SLC8A3: variants seen among roughly 807,000 people sequenced by gnomAD.
SLC8A3 encodes solute carrier family 8 member A3.
Under a neutral mutation model 65.4 loss-of-function variants are expected in SLC8A3, and 37 were observed. That is an observed-to-expected ratio of 0.57 (90% CI 0.44 to 0.74). SLC8A3 has a LOEUF of 0.74. Among genes scored for constraint, SLC8A3 ranks in the 30% least tolerant of loss-of-function variants. SLC8A3 has a pLI of 0.00. For missense variants in SLC8A3, 1,112 were observed against 1,172.1 expected, an observed-to-expected ratio of 0.95 and a Z score of 0.75; for synonymous variants, 461 against 444.5, an observed-to-expected ratio of 1.04 and a Z score of -0.47.
intron 2 of SLC8A3, among the ~76,000 whole-genome samples, 197 bp from the exon 3 acceptor site, chr14:70,061,136 G>A (rs868709685): frequency 1.3e-5 from 2 of 152,134 alleles, no homozygotes; most frequent in African/African-American, 4.8e-5. Flanking sequence ...TGTCTTCTTG[G>A]TCATAGTTGT....
chr14:70,085,836 T>C (rs1195518055), intron 2 of SLC8A3, among the ~76,000 whole-genome samples: 2 of 152,188 alleles, frequency 1.3e-5, no homozygotes, highest in East Asian at 3.8e-4. Flanking sequence ...TTTATATGTA[T>C]TAACTCATCA....
intron 2 of SLC8A3, among the ~76,000 whole-genome samples, chr14:70,138,254 CT>C (rs1895345811): frequency 6.6e-6 from 1 of 152,122 alleles, no homozygotes; most frequent in African/African-American, 2.4e-5. Flanking sequence ...GAGAAAGGGA[CT>C]TTCGATAACT....
At chr14:70,085,482 C>A (rs1189666417) in intron 2 of SLC8A3, among the ~76,000 whole-genome samples, 1 of 152,124 alleles carries the variant, frequency 6.6e-6, no homozygotes, top group East Asian at 1.9e-4. Context: ...TGCCCCAAGG[C>A]CCTTCTCTTA....
intron 3 of SLC8A3, chr14:70,059,362 G>C (rs143633333): frequency 2.0e-5 from 3 of 152,266 alleles, no homozygotes; most frequent in Admixed American, 6.5e-5. Context: ...TGAACTAATT[G>C]CAGTATGATC....
chr14:70,144,448 G>A (rs535985525), intron 2 of SLC8A3, among the ~76,000 whole-genome samples: 51 of 150,926 alleles, frequency 3.4e-4, no homozygotes, highest in Middle Eastern at 6.9e-3. Flanking sequence ...TGGCCAACAG[G>A]GCAAAACCCC....
At chr14:70,093,060 G>C (rs766738594) in intron 2 of SLC8A3, among the ~76,000 whole-genome samples, 1 of 152,176 alleles carries the variant, frequency 6.6e-6, no homozygotes, top group Non-Finnish European at 1.5e-5. Context: ...AATTGAGGTG[G>C]GAGCAAGCAC....
At chr14:70,053,263 A>G (rs1314406287) in intron 3 of SLC8A3, among the ~76,000 whole-genome samples, 2 of 152,200 alleles carry the variant, frequency 1.3e-5, no homozygotes, top group Admixed American at 1.3e-4. Context: ...GTCTTTCTGC[A>G]TATGTCCAAG....
chr14:70,119,370 A>G (rs1018117738), intron 2 of SLC8A3, among the ~76,000 whole-genome samples: 2 of 152,190 alleles, frequency 1.3e-5, no homozygotes, highest in Non-Finnish European at 2.9e-5. Context: ...TGAGGCTTCC[A>G]TTTATGTGGT....
chr14:70,068,725 A>G (rs1303728587), intron 2 of SLC8A3, among the ~76,000 whole-genome samples: 3 of 151,724 alleles, frequency 2.0e-5, no homozygotes, highest in African/African-American at 7.3e-5. Flanking sequence ...CATAGATATT[A>G]TTATTTTATT....
chr14:70,114,124 T>C (rs886992937), intron 2 of SLC8A3, among the ~76,000 whole-genome samples: 2 of 152,180 alleles, frequency 1.3e-5, no homozygotes, highest in African/African-American at 4.8e-5. Flanking sequence ...GCCTGCAAGG[T>C]TGTGTACAGA....
intron 2 of SLC8A3, 93 bp downstream of exon 2, chr14:70,166,546 A>G: frequency 1.3e-6 from 1 of 769,526 alleles, no homozygotes; most frequent in Non-Finnish European, 2.2e-6. Flanking sequence ...TAACACAAAC[A>G]CAAGGAAATG....
intron 2 of SLC8A3, among the ~76,000 whole-genome samples, chr14:70,127,606 T>G (rs548891645): frequency 5.9e-5 from 9 of 152,224 alleles, no homozygotes; most frequent in Non-Finnish European, 7.3e-5. Flanking sequence ...CTTTGCTTAG[T>G]CCTGCCTCGG....
chr14:70,179,184 G>T (rs1882506055), intron 1 of SLC8A3, among the ~76,000 whole-genome samples: 1 of 151,984 alleles, frequency 6.6e-6, no homozygotes, highest in South Asian at 2.1e-4. Context: ...GGCCTTAGAT[G>T]CCCCCTCTCT....
chr14:70,143,569 A>G (rs1354127564), intron 2 of SLC8A3, among the ~76,000 whole-genome samples: 2 of 152,086 alleles, frequency 1.3e-5, no homozygotes, highest in Non-Finnish European at 2.9e-5. Context: ...GCCCCACGTC[A>G]ACACAATGAA....
intron 2 of SLC8A3, among the ~76,000 whole-genome samples, chr14:70,066,508 C>G (rs1427495126): frequency 2.0e-5 from 3 of 152,098 alleles, no homozygotes; most frequent in Admixed American, 1.3e-4. Flanking sequence ...CCTTTAAGAC[C>G]CAGATCAAAA....
At chr14:70,163,203 C>T (rs539330088) in intron 2 of SLC8A3, among the ~76,000 whole-genome samples, 4 of 152,304 alleles carry the variant, frequency 2.6e-5, no homozygotes, top group African/African-American at 9.6e-5. Flanking sequence ...ATTTAGTATT[C>T]CCTTGAAGGA....
At chr14:70,174,811 T>C (rs1897801380) in intron 1 of SLC8A3, among the ~76,000 whole-genome samples, 1 of 152,094 alleles carries the variant, frequency 6.6e-6, no homozygotes, top group African/African-American at 2.4e-5. Flanking sequence ...TTGGAATAAT[T>C]GATTACAACT....
chr14:70,145,309 G>T (rs546340427), intron 2 of SLC8A3, among the ~76,000 whole-genome samples: 1 of 152,222 alleles, frequency 6.6e-6, no homozygotes, highest in Admixed American at 6.5e-5. Flanking sequence ...TTTACACAAA[G>T]CCCCTAAACC....
rs368189115 is a variant in SLC8A3, at chr14:70,166,789, A to G, written c.1634T>C (p.Ile545Thr). The G allele has an allele frequency of 1.9e-6, 3 of 1,614,036 alleles. No homozygotes were observed. Among genetic ancestry groups the G allele is most frequent in the Non-Finnish European group, 2.5e-6 (3 of 1,179,946 alleles). ...CAGAACCTTGACCTCCATAACACCAATACTCTCACTGACATGAATAGTATC... is the reference window on the plus strand; with the variant it reads ...CAGAACCTTGACCTCCATAACACCAGTACTCTCACTGACATGAATAGTATC... ...ECDTIHVSES[I>T]GVMEVKVLRT... The change falls in exon 2 of 7, where the codon ATT becomes ACT. Residue 545 changes from isoleucine (I) to threonine (T), a missense_variant. Transcript: ENST00000356921.
Sources: allele counts gnomAD v4.1 joint callset (sites outside exome capture counted in the v4.1 genomes callset), GRCh38; gene constraint gnomAD v4.1.1; transcripts MANE v1.5; gene names NCBI Gene and HGNC (gene_info 2026-07-23, HGNC 2026-07-21).